The following PLEKHG5 variants were observed in gnomAD, a reference collection of about 807,000 sequenced individuals.
PLEKHG5 encodes the protein pleckstrin homology and RhoGEF domain containing G5, also known as pleckstrin homology domain-containing family G member 5.
A neutral mutation model predicts 103.8 loss-of-function variants in PLEKHG5; 52 were observed. The ratio of observed to expected loss-of-function variants is 0.50; its 90% confidence interval spans 0.40 to 0.63. The LOEUF (loss-of-function observed/expected upper bound fraction) is 0.63. PLEKHG5 is among the 30% of genes least tolerant of loss of function. The pLI, the probability that PLEKHG5 is intolerant of heterozygous loss-of-function variation, is 0.00. For synonymous variants in PLEKHG5, 592 were observed against 575.5 expected (o/e 1.03, Z -0.41); for missense variants, 1,205 against 1,347.6 (o/e 0.89, Z 1.66).
At position 6,475,447 on chromosome 1, in the gene PLEKHG5, T is replaced by TG. The variant is rs768358585; in HGVS notation, c.210+14dup. The TG allele has an allele frequency of 2.2e-5, 36 of 1,612,054 alleles. No individual in the cohort carries two copies. The highest frequency in any genetic ancestry group is 1.5e-4 in the African/African-American group (11 of 74,822). ...GTAGGGAACCCGCATCTGCCGGCTC[T>TG]GGGGGGCTCCTCACATCCGTGTGTC... On this transcript the variant is annotated intron_variant, in intron 4 of 20. Transcript: ENST00000377728.
rs1482642022 is a variant in PLEKHG5 at position 6,490,062 on chromosome 1, G to C, written c.-88+1575C>G. Among the ~76,000 whole-genome samples, 1 of 152,114 alleles carries C rather than the reference G, an allele frequency of 6.6e-6. No individual in the cohort carries two copies. The highest frequency in any genetic ancestry group is 2.4e-5 in the African/African-American group (1 of 41,422). ...CTGGCGCCCCCTGCCGGCCTCGAGA[G>C]GGCTTTTCCGCCTGGGACCGACTCC... On this transcript the variant is annotated intron_variant, in intron 1 of 20. Transcript: ENST00000377728. This position sits in a 1 kb window ranked among gnomAD's most constrained non-coding sequence, Gnocchi z 8.0.
rs753818228 is a variant in PLEKHG5, at chr1:6,477,624, C to T, written c.-53G>A. On this transcript the variant is annotated 5_prime_UTR_variant, in exon 2 of 21. Coordinates refer to ENST00000377728, the MANE Select transcript of PLEKHG5 (RefSeq NM_020631.6). ...CTCGCAGAGGTTGAGGGGCCCCCGG[C>T]GGTGCAGCTGCTGGCAGTCGGCGTG... is the stretch of plus-strand genomic sequence containing the variant. The T allele has an allele frequency of 2.9e-5, 46 of 1,608,886 alleles. No homozygotes were observed. The highest frequency in any genetic ancestry group is 8.0e-5 in the African/African-American group (6 of 74,908).
intron 1 of PLEKHG5, among the ~76,000 whole-genome samples, chr1:6,514,913 C>CA (rs34000901): frequency 0.13 from 19,084 of 151,602 alleles, 1,340 homozygotes; most frequent in East Asian, 0.21. Context: ...ATTAAAAATA[C>CA]AAAAAATTAG....
chr1:6,508,884 G>C (rs1638400502), intron 1 of PLEKHG5, among the ~76,000 whole-genome samples: 1 of 152,220 alleles, frequency 6.6e-6, no homozygotes, highest in African/African-American at 2.4e-5. Context: ...GGGCCACACA[G>C]AGCTAGGAAG....
rs1224610853 is a variant in PLEKHG5 at position 6,467,413 on chromosome 1, G to C, written c.*150C>G. The C allele has an allele frequency of 1.2e-6, 1 of 862,850 alleles. No individual in the cohort carries two copies. The highest frequency in any genetic ancestry group is 2.0e-6 in the Non-Finnish European group (1 of 505,374). The allele number at this position is 862,850 out of a possible 1,614,324, so 53.4% of individuals were successfully genotyped here. ...TCCACTCCATCCAGTCCGGCAAAGC[G>C]CAAATCGGGCCCGGGCGTAGGCAGG... On this transcript the variant is annotated 3_prime_UTR_variant, in exon 21 of 21. Transcript: ENST00000377728.
chr1:6,471,000 G>A lies in PLEKHG5; in HGVS notation c.1382C>T (p.Ala461Val). The part of the protein sequence containing the change: ...GLLRDNDLFR[A>V]YITWAEKHPQ... ...CACGCGCGCCCTCACCGTGATGTAG[G>A]CCCGGAAGAGGTCGTTGTCGCGCAG... The change falls in exon 13 of 21, where the codon GCC becomes GTC. Residue 461 changes from alanine (A) to valine (V), a missense_variant. By Grantham distance (64) the Ala-to-Val change is moderately conservative. Coordinates refer to ENST00000377728, the MANE Select transcript of PLEKHG5 (RefSeq NM_020631.6). The A allele has an allele frequency of 1.9e-6, 3 of 1,603,444 alleles. No homozygotes were observed. Among genetic ancestry groups the A allele is most frequent in the Non-Finnish European group, 2.6e-6 (3 of 1,175,466 alleles).
Position 6,515,310 on chromosome 1 carries a change from G to A in PLEKHG5, c.-165+4135C>T, listed in dbSNP as rs565708414. 4.6e-5 allele frequency among the ~76,000 whole-genome samples: 7 copies of A among 151,406 alleles called. No homozygotes were observed. In the East Asian group the frequency reaches 1.2e-3, roughly 25 times the overall value. ...TGGGAGGCTGAGGCAGGCAGATCAC[G>A]AGGTCGAGAGATTGAGACCATCCTG... is the stretch of plus-strand genomic sequence containing the variant. On this transcript the variant is annotated intron_variant, in intron 1 of 21. Coordinates refer to the PLEKHG5 transcript ENST00000377740.
chr1:6,513,227 G>A (rs1247191738), intron 1 of PLEKHG5, among the ~76,000 whole-genome samples: 1 of 152,238 alleles, frequency 6.6e-6, no homozygotes, highest in Non-Finnish European at 1.5e-5. Context: ...TTATTGATTT[G>A]AACTAGAATC....
chr1:6,511,480 C>T (rs559418300), intron 1 of PLEKHG5, among the ~76,000 whole-genome samples: 33 of 152,312 alleles, frequency 2.2e-4, no homozygotes, highest in African/African-American at 7.0e-4. Context: ...CCTGGCAAGC[C>T]CGAGAGAAAC....
upstream of PLEKHG5, among the ~76,000 whole-genome samples, chr1:6,497,646 G>A (rs1645248830): frequency 6.6e-6 from 1 of 152,068 alleles, no homozygotes; most frequent in South Asian, 2.1e-4. The surrounding 1 kb of genome is among the most constrained non-coding windows in gnomAD (Gnocchi z 6.1). Context: ...TGTCCTGGAG[G>A]GTGCCATCCA....
chr1:6,487,057 C>G lies in PLEKHG5; in HGVS notation c.-88+4580G>C, dbSNP rs545885629. 6.6e-6 allele frequency among the ~76,000 whole-genome samples: 1 copy of G among 152,234 alleles called. No homozygotes were observed. The highest frequency in any genetic ancestry group is 1.9e-4 in the East Asian group (1 of 5,164). The stretch of plus-strand genomic sequence containing the variant: ...GGCTGGGAGACTTCCAGGGCTGTCT[C>G]CACTCCCAAAGCCCAGGTCACCCAC... On this transcript the variant is annotated intron_variant, in intron 1 of 20. Coordinates refer to ENST00000377728, the MANE Select transcript of PLEKHG5 (RefSeq NM_020631.6). The surrounding 1 kb of genome is among the most constrained non-coding windows in gnomAD (Gnocchi z 4.1).
intron 1 of PLEKHG5, among the ~76,000 whole-genome samples, chr1:6,482,765 G>A (rs1321897492): frequency 1.3e-5 from 2 of 152,196 alleles, no homozygotes; most frequent in African/African-American, 4.8e-5. Context: ...CTGGAGAGCA[G>A]TGGCATGATC....
chr1:6,485,229 C>T, intron 1 of PLEKHG5: 1 of 838,540 alleles, frequency 1.2e-6, no homozygotes, highest in African/African-American at 1.8e-5. Context: ...CCCATAGTCA[C>T]GGGCACCCCC....
chr1:6,471,516 G>A lies in PLEKHG5; in HGVS notation c.1253C>T (p.Pro418Leu). The A allele has an allele frequency of 6.2e-7, 1 of 1,610,552 alleles. No individual in the cohort carries two copies. Among genetic ancestry groups the A allele is most frequent in the Non-Finnish European group, 8.5e-7 (1 of 1,179,056 alleles). The part of the protein sequence containing the change: ...KARRTRALLQ[P>L]GDFLKGFKMF... ...CTTGAAGCCTTTGAGGAAGTCCCCG[G>A]GCTGTAGCAGCGCTCGCGTGCGCCG... Residue 418 changes from proline to leucine, a missense_variant, in exon 12 of 21, where the codon CCC becomes CTC. By Grantham distance (98) the Pro-to-Leu change is moderately conservative. Transcript: ENST00000377728.
At chr1:6,485,418 C>T in intron 1 of PLEKHG5, 1 of 1,340,486 alleles carries the variant, frequency 7.5e-7, no homozygotes, top group Non-Finnish European at 9.5e-7. Flanking sequence ...TGCTAGGCGT[C>T]CGGAGACACC....
intron 10 of PLEKHG5, 29 bp from the exon 11 acceptor site, chr1:6,471,837 G>C: frequency 6.3e-7 from 1 of 1,586,870 alleles, no homozygotes; most frequent in Non-Finnish European, 8.6e-7. Flanking sequence ...GTGTGACTGG[G>C]GTCGGGAGGC....
Position 6,490,403 on chromosome 1 carries a change from AC to A in PLEKHG5, c.-88+1233del, listed in dbSNP as rs533132855. 1.0e-6 allele frequency: 1 copy of A among 973,554 alleles called. No individual in the cohort carries two copies. Among genetic ancestry groups the A allele is most frequent in the Non-Finnish European group, 1.2e-6 (1 of 820,642 alleles). The allele number at this position is 973,554 out of a possible 1,614,324, so 60.3% of individuals were successfully genotyped here. A position where few individuals can be genotyped will look rare whatever the true frequency, so the allele number is the denominator to read the frequency against. On this transcript the variant is annotated intron_variant, in intron 1 of 20. Transcript: ENST00000377728. The surrounding 1 kb of genome is among the most constrained non-coding windows in gnomAD (Gnocchi z 8.0). ...TAGGGGGGTCCTGGCGCCTAGTCCC[AC>A]CCCCCGTCCGGAGCGCAGCTCCCAC...
At chr1:6,504,228 G>A (rs997519164) in intron 1 of PLEKHG5, among the ~76,000 whole-genome samples, 11 of 152,226 alleles carry the variant, frequency 7.2e-5, no homozygotes, top group South Asian at 6.2e-4. Context: ...GACAGTGCCC[G>A]GCTGAGGGTG....
At chr1:6,499,125 G>T (rs74049593), upstream of PLEKHG5, among the ~76,000 whole-genome samples, 1 of 152,146 alleles carries the variant, frequency 6.6e-6, no homozygotes, top group Admixed American at 6.5e-5. Context: ...AGGCCCCTGC[G>T]TTCTCAAAAC....
Sources: gnomAD v4.1 joint callset for allele counts (sites outside exome capture counted in the v4.1 genomes callset) on GRCh38, gnomAD v4.1.1 for gene constraint, Gnocchi (gnomAD v3.1) non-coding constraint, MANE v1.5 for transcripts, NCBI Gene and HGNC (gene_info 2026-07-23, HGNC 2026-07-21) for gene names.